The following TENM3 variants were observed in gnomAD, a reference collection of about 807,000 sequenced individuals.
The protein encoded by TENM3 is teneurin-3.
A neutral mutation model predicts 255.1 loss-of-function variants in TENM3; 63 were observed. The observed-to-expected ratio is 0.25, with a 90% confidence interval of 0.20 to 0.30. TENM3 has a LOEUF of 0.30. TENM3 is among the 10% of genes least tolerant of loss of function. The pLI, the probability that TENM3 is intolerant of heterozygous loss-of-function variation, is 1.00. For synonymous variants in TENM3, 1,306 were observed against 1,322.3 expected (o/e 0.99, Z 0.27); for missense variants, 2,929 against 3,461.1 (o/e 0.85, Z 3.86).
chr4:181,621,119 G>A, the TENM3 span, among the ~76,000 whole-genome samples: 3 of 152,108 alleles, frequency 2.0e-5, no homozygotes, highest in Non-Finnish European at 2.9e-5. Context: ...TAATCAAAGA[G>A]GTCAAATTGC....
intron 3 of TENM3, among the ~76,000 whole-genome samples, chr4:182,411,618 G>GGTTCC (rs1225445672): frequency 6.6e-6 from 1 of 152,182 alleles, no homozygotes; most frequent in African/African-American, 2.4e-5. Context: ...TGATGCTAAT[G>GGTTCC]CAAGTGCTCT....
chr4:182,122,750 T>C, the TENM3 span, among the ~76,000 whole-genome samples: 5 of 152,218 alleles, frequency 3.3e-5, no homozygotes, highest in African/African-American at 1.2e-4. Flanking sequence ...ACTAGCTACA[T>C]TAGCTAGTTA....
intron 4 of TENM3, among the ~76,000 whole-genome samples, chr4:182,619,303 T>C (rs1213929185): frequency 6.6e-6 from 1 of 151,924 alleles, no homozygotes; most frequent in Non-Finnish European, 1.5e-5. Flanking sequence ...TGGTGGCACA[T>C]ACCTGTAGTC....
Position 182,730,431 on chromosome 4 carries a change from T to C in TENM3, c.2705+112T>C, listed in dbSNP as rs1378458703. On this transcript the variant is annotated intron_variant, in intron 15 of 27. Coordinates refer to ENST00000511685, the MANE Select transcript of TENM3 (RefSeq NM_001080477.4). ...TTTAAATATGGAAATGCAGCAACTT[T>C]TTAGACTCTACAAACTTGTGACAGT... The C allele has an allele frequency of 2.5e-6, 3 of 1,223,338 alleles. No homozygotes were observed. In the African/African-American group the frequency reaches 4.5e-5, roughly 18 times the overall value. The allele number at this position is 1,223,338 out of a possible 1,614,324, so 75.8% of individuals were successfully genotyped here.
chr4:182,038,952 C>T, the TENM3 span, among the ~76,000 whole-genome samples: 2 of 152,006 alleles, frequency 1.3e-5, no homozygotes, highest in Non-Finnish European at 2.9e-5. Flanking sequence ...AGGCTGGTCT[C>T]GAACTCCTGA....
At position 182,551,950 on chromosome 4, in the gene TENM3, T is replaced by G. The variant is rs1003337661; in HGVS notation, c.512-48974T>G. Among the ~76,000 whole-genome samples, 5 of 150,772 alleles carry G rather than the reference T, an allele frequency of 3.3e-5. No individual in the cohort carries two copies. In the East Asian group the frequency reaches 9.7e-4, roughly 29 times the overall value. On this transcript the variant is annotated intron_variant, in intron 3 of 27. Transcript: ENST00000511685. ...GGAGGATTGCTTGAGCCTGGGAGGTTGAGGCTGCAGTGAGCTGTGATTGCA... is the reference window on the plus strand; with the variant it reads ...GGAGGATTGCTTGAGCCTGGGAGGTGGAGGCTGCAGTGAGCTGTGATTGCA...
the TENM3 span, among the ~76,000 whole-genome samples, chr4:182,128,217 T>G: frequency 6.6e-6 from 1 of 152,194 alleles, no homozygotes; most frequent in Admixed American, 6.5e-5. Flanking sequence ...CCAATTTTAA[T>G]GGATGTTATC....
At chr4:181,806,526 T>G in the TENM3 span, among the ~76,000 whole-genome samples, 1 of 152,232 alleles carries the variant, frequency 6.6e-6, no homozygotes, top group Non-Finnish European at 1.5e-5. Context: ...TGCGCCACCT[T>G]CCTGGGTGGT....
At chr4:181,534,247 A>T in the TENM3 span, among the ~76,000 whole-genome samples, 1 of 152,174 alleles carries the variant, frequency 6.6e-6, no homozygotes, top group East Asian at 1.9e-4. Context: ...AAAAAAAAAA[A>T]AAAACAATTG....
intron 3 of TENM3, among the ~76,000 whole-genome samples, chr4:182,476,813 C>T (rs767138442): frequency 2.3e-4 from 35 of 152,284 alleles, no homozygotes; most frequent in Middle Eastern, 3.4e-3. Context: ...TACCATCTCT[C>T]CTGTTGTCTC....
At chr4:182,568,138 C>T (rs1743983568) in intron 3 of TENM3, among the ~76,000 whole-genome samples, 1 of 152,170 alleles carries the variant, frequency 6.6e-6, no homozygotes, top group South Asian at 2.1e-4. Flanking sequence ...CCAGTTCTAC[C>T]TCCAACCTAC....
the TENM3 span, among the ~76,000 whole-genome samples, chr4:182,037,086 T>C: frequency 0.012 from 1,900 of 152,098 alleles, 42 homozygotes; most frequent in African/African-American, 0.043. Context: ...TATATAGATG[T>C]ACTCTCATTC....
At chr4:182,724,567 T>G (rs996807333) in intron 13 of TENM3, among the ~76,000 whole-genome samples, 1 of 152,230 alleles carries the variant, frequency 6.6e-6, no homozygotes, top group African/African-American at 2.4e-5. Context: ...TCCAACTGAT[T>G]AGTTCAGAAG....
At chr4:182,369,645 C>T (rs536370423) in intron 3 of TENM3, among the ~76,000 whole-genome samples, 1 of 152,286 alleles carries the variant, frequency 6.6e-6, no homozygotes, top group African/African-American at 2.4e-5. Flanking sequence ...CTTTGGGAGG[C>T]TGAGGCAGGC....
intron 1 of TENM3, among the ~76,000 whole-genome samples, chr4:182,282,630 C>T (rs765164111): frequency 5.3e-5 from 8 of 152,084 alleles, no homozygotes; most frequent in Non-Finnish European, 1.2e-4. Context: ...CAGTGGCTCA[C>T]ACCTGTAATC....
the TENM3 span, among the ~76,000 whole-genome samples, chr4:181,948,902 C>G: frequency 1.3e-5 from 2 of 152,030 alleles, no homozygotes; most frequent in African/African-American, 4.8e-5. Context: ...AAATAATCAG[C>G]TAGTATGCAG....
intron 3 of TENM3, among the ~76,000 whole-genome samples, chr4:182,577,889 C>A (rs1207625958): frequency 6.6e-6 from 1 of 152,110 alleles, no homozygotes; most frequent in Non-Finnish European, 1.5e-5. Flanking sequence ...TAATTTATTG[C>A]CTTCCCTCCT....
intron 3 of TENM3, among the ~76,000 whole-genome samples, chr4:182,465,257 T>G (rs1289464359): frequency 9.2e-5 from 14 of 152,144 alleles, no homozygotes; most frequent in Admixed American, 9.2e-4. Flanking sequence ...CTCCTAAAAT[T>G]TGTATGTTGA....
chr4:182,169,943 T>A (rs1406956280), intron 1 of TENM3, among the ~76,000 whole-genome samples: 2 of 151,746 alleles, frequency 1.3e-5, no homozygotes, highest in African/African-American at 4.8e-5. Flanking sequence ...TTAAAGTTTA[T>A]AAAGTGAATC....
Sources: gnomAD v4.1 joint callset for allele counts (sites outside exome capture counted in the v4.1 genomes callset) on GRCh38, gnomAD v4.1.1 for gene constraint, MANE v1.5 for transcripts, NCBI Gene and HGNC (gene_info 2026-07-23, HGNC 2026-07-21) for gene names.